The following MARCHF5 variants were observed in gnomAD, a reference collection of about 807,000 sequenced individuals.
MARCHF5 encodes E3 ubiquitin-protein ligase MARCHF5.
MARCHF5 carries 5 observed loss-of-function variants against 36.5 expected under a neutral mutation model. The observed-to-expected ratio is 0.14, with a 90% CI of 0.07 to 0.29. The LOEUF is 0.29. Among genes scored for constraint, MARCHF5 ranks in the 10% least tolerant of loss-of-function variants. The pLI is 1.00. For missense variants in MARCHF5, 179 were observed against 336.3 expected (o/e 0.53, Z 3.66); for synonymous variants, 103 against 109.9 (o/e 0.94, Z 0.39).
At chr10:92,345,886 G>A (rs1441009166) in intron 3 of MARCHF5, among the ~76,000 whole-genome samples, 2 of 151,462 alleles carry the variant, frequency 1.3e-5, no homozygotes, top group Non-Finnish European at 2.9e-5. Context: ...GTAGAGACAG[G>A]GTTTCACCAT....
Position 92,291,313 on chromosome 10 carries a change from G to C in MARCHF5, c.-182G>C. ...CTCCTCGCTCTCCGCCGCCTCCGCC[G>C]GACTCCCGCAGGCCCTGCACCGCCG... On this transcript the variant is annotated 5_prime_UTR_variant, in exon 1 of 6. Coordinates refer to ENST00000358935, the MANE Select transcript of MARCHF5 (RefSeq NM_017824.5). 1 of 581,452 alleles carries C rather than the reference G, an allele frequency of 1.7e-6. No homozygotes were observed. 36.0% of individuals were successfully genotyped at this position (581,452 alleles called of 1,614,324 possible).
At chr10:92,333,891 G>A (rs1199489231) in intron 2 of MARCHF5, among the ~76,000 whole-genome samples, 1 of 152,072 alleles carries the variant, frequency 6.6e-6, no homozygotes. Flanking sequence ...CTTAGCTTTA[G>A]AAAGTTGCCA....
In MARCHF5 at chr10:92,352,826, A is replaced by G. The variant is rs1843734559; in HGVS notation, c.*1619A>G. The G allele has an allele frequency of 6.6e-6, 1 of 152,624 alleles. No individual in the cohort carries two copies. The highest frequency in any genetic ancestry group is 1.5e-5 in the Non-Finnish European group (1 of 68,036). 9.5% of individuals were successfully genotyped at this position (152,624 alleles called of 1,614,324 possible). ...AACAGTGAGCCTTATTAAGAACACT[A>G]CTACAGTTCTGAAGGGGAAATATAA... On this transcript the variant is annotated 3_prime_UTR_variant, in exon 6 of 6. Coordinates refer to ENST00000358935, the MANE Select transcript of MARCHF5 (RefSeq NM_017824.5).
At chr10:92,310,476 T>C (rs1204523021) in intron 1 of MARCHF5, among the ~76,000 whole-genome samples, 2 of 152,110 alleles carry the variant, frequency 1.3e-5, no homozygotes, top group Non-Finnish European at 2.9e-5. Context: ...TTTTTATTAA[T>C]ATAAGCACCC....
intron 3 of MARCHF5, among the ~76,000 whole-genome samples, chr10:92,344,279 G>A (rs145904012): frequency 6.6e-6 from 1 of 152,130 alleles, no homozygotes; most frequent in Non-Finnish European, 1.5e-5. Context: ...GTGATAAGAG[G>A]GCAGAAGACT....
At chr10:92,309,288 A>G (rs1253391488) in intron 1 of MARCHF5, among the ~76,000 whole-genome samples, 1 of 152,250 alleles carries the variant, frequency 6.6e-6, no homozygotes, top group Non-Finnish European at 1.5e-5. Context: ...TATAATAGCT[A>G]CACAAGTATT....
intron 1 of MARCHF5, among the ~76,000 whole-genome samples, chr10:92,295,411 T>TA (rs1002610160): frequency 5.6e-5 from 8 of 141,758 alleles, no homozygotes; most frequent in Non-Finnish European, 1.1e-4. Context: ...TTATTTATTT[T>TA]TTATTTTTTT....
intron 1 of MARCHF5, among the ~76,000 whole-genome samples, chr10:92,292,464 G>A (rs531376559): frequency 1.3e-5 from 2 of 152,282 alleles, no homozygotes; most frequent in Admixed American, 6.5e-5. Flanking sequence ...TTTGTACTCA[G>A]TAAAATTCCA....
chr10:92,347,534 T>G, intron 3 of MARCHF5, among the ~76,000 whole-genome samples: 1 of 147,348 alleles, frequency 6.8e-6, no homozygotes, highest in African/African-American at 2.6e-5. Context: ...GATAGATATA[T>G]AGATAGATAG....
chr10:92,324,846 G>A (rs529771090), intron 2 of MARCHF5, among the ~76,000 whole-genome samples: 1 of 151,936 alleles, frequency 6.6e-6, no homozygotes, highest in African/African-American at 2.4e-5. Flanking sequence ...TGTGATCAGA[G>A]AGCATACTCT....
chr10:92,336,289 G>A (rs191125742), intron 2 of MARCHF5, among the ~76,000 whole-genome samples: 2 of 152,138 alleles, frequency 1.3e-5, no homozygotes, highest in East Asian at 3.8e-4. Flanking sequence ...CGCCCACCTT[G>A]GCCTCCCAAA....
At chr10:92,310,348 TG>T (rs1409276219) in intron 1 of MARCHF5, among the ~76,000 whole-genome samples, 1 of 152,098 alleles carries the variant, frequency 6.6e-6, no homozygotes, top group Non-Finnish European at 1.5e-5. Context: ...TTGTGTTAAT[TG>T]GGAGAAAAAC....
In MARCHF5 at chr10:92,291,232, G is replaced by C; in HGVS notation, c.-263G>C. 1.9e-6 allele frequency: 1 copy of C among 534,010 alleles called. No homozygotes were observed. The highest frequency in any genetic ancestry group is 3.3e-6 in the Non-Finnish European group (1 of 306,378). The allele number at this position is 534,010 out of a possible 1,614,324, so 33.1% of individuals were successfully genotyped here. ...CCCGCGGTCCATGGACCGGAACCTC[G>C]GGCCGACGGACGGGAACCCGGGCCG... On this transcript the variant is annotated 5_prime_UTR_variant, in exon 1 of 6. Coordinates refer to ENST00000358935, the MANE Select transcript of MARCHF5 (RefSeq NM_017824.5).
intron 2 of MARCHF5, among the ~76,000 whole-genome samples, chr10:92,327,346 G>T (rs1398756549): frequency 7.0e-6 from 1 of 143,460 alleles, no homozygotes; most frequent in African/African-American, 2.6e-5. Flanking sequence ...TGGATAAAGA[G>T]CTTTTTAAAA....
At chr10:92,313,333 G>A (rs1371299886) in intron 2 of MARCHF5, among the ~76,000 whole-genome samples, 5 of 151,798 alleles carry the variant, frequency 3.3e-5, no homozygotes, top group Non-Finnish European at 5.9e-5. Context: ...GGCCGGGCGC[G>A]GTGGCTCACA....
At chr10:92,301,242 C>T (rs1186628602) in intron 1 of MARCHF5, among the ~76,000 whole-genome samples, 2 of 152,046 alleles carry the variant, frequency 1.3e-5, no homozygotes, top group Non-Finnish European at 2.9e-5. Flanking sequence ...TTTATATGGC[C>T]CATTGGAGTA....
Position 92,351,084 on chromosome 10 carries a change from AT to A in MARCHF5, c.721-3del. 1 of 1,528,752 alleles carries A rather than the reference AT, an allele frequency of 6.5e-7. No individual in the cohort carries two copies. Among genetic ancestry groups the A allele is most frequent in the Non-Finnish European group, 9.0e-7 (1 of 1,109,970 alleles). The allele number at this position is 1,528,752 out of a possible 1,614,324, so 94.7% of individuals were successfully genotyped here. A position where few individuals can be genotyped will look rare whatever the true frequency, so the allele number is the denominator to read the frequency against. On this transcript the variant is annotated splice_region_variant and splice_polypyrimidine_tract_variant and intron_variant, in intron 5 of 5. Transcript: ENST00000358935. ...TTATAAAAAGCTAATTTTCCTTTTT[AT>A]TTTAGGGTGGAATTGCGTTTGTTGC...
intron 2 of MARCHF5, among the ~76,000 whole-genome samples, chr10:92,328,504 A>G (rs927658414): frequency 4.0e-5 from 6 of 150,812 alleles, no homozygotes; most frequent in Admixed American, 6.6e-5. Context: ...TGTGCATTCT[A>G]TTTGTCCTAC....
intron 5 of MARCHF5, among the ~76,000 whole-genome samples, chr10:92,350,787 G>A (rs1479346369): frequency 6.6e-6 from 1 of 152,142 alleles, no homozygotes; most frequent in Non-Finnish European, 1.5e-5. Flanking sequence ...GTGGCAGTCT[G>A]CACATAGTGC....
Sources: gnomAD v4.1 joint callset for allele counts (sites outside exome capture counted in the v4.1 genomes callset) on GRCh38, gnomAD v4.1.1 for gene constraint, MANE v1.5 for transcripts, NCBI Gene and HGNC (gene_info 2026-07-23, HGNC 2026-07-21) for gene names.